The following PPP4R2 variants were observed in gnomAD, a reference collection of about 807,000 sequenced individuals.
The protein encoded by PPP4R2 is serine/threonine-protein phosphatase 4 regulatory subunit 2.
Under a neutral mutation model 47.2 loss-of-function variants are expected in PPP4R2, and 13 were observed. That is an observed-to-expected ratio of 0.28 (90% CI 0.18 to 0.44). PPP4R2 has a LOEUF of 0.44. Ranked by LOEUF, PPP4R2 falls within the 20% of genes least tolerant of loss-of-function variation. The pLI, the probability that PPP4R2 is intolerant of heterozygous loss-of-function variation, is 1.00. For synonymous variants in PPP4R2, 151 were observed against 163.3 expected (o/e 0.92, Z 0.57); for missense variants, 421 against 491.2 (o/e 0.86, Z 1.35).
chr3:73,058,948 A>C (rs1702786855), intron 3 of PPP4R2, 89 bp from the exon 4 acceptor site: 1 of 738,446 alleles, frequency 1.4e-6, no homozygotes, highest in African/African-American at 1.8e-5. Context: ...ATGGGTGACT[A>C]GATACAGCTT....
intron 2 of PPP4R2, among the ~76,000 whole-genome samples, chr3:73,008,516 TG>T (rs1701660094): frequency 6.6e-6 from 1 of 152,186 alleles, no homozygotes; most frequent in African/African-American, 2.4e-5. Flanking sequence ...GTTTCCTAAT[TG>T]CATGTGAGTT....
At chr3:73,010,286 C>T (rs943172117) in intron 2 of PPP4R2, among the ~76,000 whole-genome samples, 12 of 151,472 alleles carry the variant, frequency 7.9e-5, no homozygotes, top group African/African-American at 2.4e-5. Flanking sequence ...ACAGTGGTGC[C>T]ATCATGGCCC....
chr3:73,047,742 T>A lies in PPP4R2; in HGVS notation c.287+386T>A, dbSNP rs1249165627. 2.0e-5 allele frequency among the ~76,000 whole-genome samples: 3 copies of A among 152,368 alleles called. No homozygotes were observed. The East Asian group carries it at 5.8e-4, about 29-fold the overall frequency. On this transcript the variant is annotated intron_variant, in intron 3 of 8. Transcript: ENST00000356692. ...TTTTAGTGAGTTTTTGTTTAGACTT[T>A]TTTTGGAGTCATCATTTCTCTCCTA...
At chr3:73,019,901 T>G (rs537534643) in intron 2 of PPP4R2, among the ~76,000 whole-genome samples, 3 of 152,328 alleles carry the variant, frequency 2.0e-5, no homozygotes, top group African/African-American at 7.2e-5. Flanking sequence ...CAATTTTGTC[T>G]TATTTTCCAC....
intron 3 of PPP4R2, among the ~76,000 whole-genome samples, chr3:73,049,422 C>T (rs13072206): frequency 0.53 from 80,044 of 151,746 alleles, 21,469 homozygotes; most frequent in African/African-American, 0.62. Context: ...TGGGGTGAAC[C>T]CAGGAGGCAG....
intron 3 of PPP4R2, among the ~76,000 whole-genome samples, chr3:73,049,121 A>T (rs950178926): frequency 2.0e-5 from 3 of 152,242 alleles, no homozygotes; most frequent in Admixed American, 2.0e-4. Flanking sequence ...AAAGGCACTT[A>T]TCCAAGAAAT....
In PPP4R2 at chr3:73,068,346, G is replaced by A. The variant is rs986180803; in HGVS notation, c.*2624G>A. On this transcript the variant is annotated 3_prime_UTR_variant, in exon 9 of 9. Transcript: ENST00000356692. ...ATAACCCAACATGTAAAAAAAATTT[G>A]AAGATGGTGATGAGGAAAGTGAGAT... 2 of 151,988 alleles carry A rather than the reference G, an allele frequency of 1.3e-5. No homozygotes were observed. Among genetic ancestry groups the A allele is most frequent in the African/African-American group, 2.4e-5 (1 of 41,336 alleles). 9.4% of individuals were successfully genotyped at this position (151,988 alleles called of 1,614,324 possible).
At chr3:73,047,451 TC>T in intron 3 of PPP4R2, 95 bp downstream of exon 3, 1 of 647,630 alleles carries the variant, frequency 1.5e-6, no homozygotes, top group Non-Finnish European at 2.4e-6. Flanking sequence ...TGATTGATTA[TC>T]CATTAGAATA....
intron 2 of PPP4R2, among the ~76,000 whole-genome samples, chr3:73,042,837 T>C (rs1702406398): frequency 6.6e-6 from 1 of 152,118 alleles, no homozygotes; most frequent in African/African-American, 2.4e-5. Context: ...ACTGCTTGAT[T>C]TATTTGAAAG....
At chr3:73,048,677 G>C (rs1449310245) in intron 3 of PPP4R2, among the ~76,000 whole-genome samples, 10 of 152,248 alleles carry the variant, frequency 6.6e-5, no homozygotes. Context: ...ATAATGAATT[G>C]TGGTTTTTCT....
intron 2 of PPP4R2, among the ~76,000 whole-genome samples, chr3:73,042,409 G>A (rs1702398988): frequency 6.9e-6 from 1 of 144,258 alleles, no homozygotes; most frequent in Non-Finnish European, 1.5e-5. Flanking sequence ...GTGTCACCCA[G>A]GCTGGAGTGC....
At chr3:72,997,247 C>T in intron 1 of PPP4R2, 176 bp downstream of exon 1, 1 of 438,416 alleles carries the variant, frequency 2.3e-6, no homozygotes, top group African/African-American at 2.0e-5. Context: ...CAGCTCTCTC[C>T]CGCCCCGCTC....
intron 2 of PPP4R2, among the ~76,000 whole-genome samples, chr3:73,009,231 G>A (rs897623263): frequency 2.0e-5 from 3 of 152,204 alleles, no homozygotes; most frequent in African/African-American, 7.2e-5. Context: ...TGGTATTGTA[G>A]CAGTAGCGAC....
At chr3:73,021,169 T>C (rs567950698) in intron 2 of PPP4R2, among the ~76,000 whole-genome samples, 3 of 152,126 alleles carry the variant, frequency 2.0e-5, no homozygotes, top group African/African-American at 4.8e-5. Context: ...TGAACTCATA[T>C]AGCTCACTTA....
chr3:73,026,131 C>G (rs1465979098), intron 2 of PPP4R2, among the ~76,000 whole-genome samples: 2 of 152,158 alleles, frequency 1.3e-5, no homozygotes. Flanking sequence ...TTCTCCCTTG[C>G]TCAAGTTAAA....
At chr3:73,029,998 T>C (rs1032313285) in intron 2 of PPP4R2, among the ~76,000 whole-genome samples, 8 of 152,054 alleles carry the variant, frequency 5.3e-5, no homozygotes, top group African/African-American at 1.9e-4. Flanking sequence ...TGGAGTAGAT[T>C]TGAGAGATAA....
chr3:73,027,214 C>T (rs1014767614), intron 2 of PPP4R2, among the ~76,000 whole-genome samples: 3 of 152,182 alleles, frequency 2.0e-5, no homozygotes, highest in Non-Finnish European at 1.5e-5. Flanking sequence ...TGAACCTCCA[C>T]CTCCCAGGTT....
chr3:73,058,589 A>G (rs1229313550), intron 3 of PPP4R2, among the ~76,000 whole-genome samples: 2 of 152,100 alleles, frequency 1.3e-5, no homozygotes, highest in African/African-American at 4.8e-5. Context: ...ATAGAGCCAT[A>G]CAATGCATTA....
chr3:73,035,416 G>T (rs890689907), intron 2 of PPP4R2, among the ~76,000 whole-genome samples: 1 of 151,984 alleles, frequency 6.6e-6, no homozygotes. Context: ...GAAAGAAAAA[G>T]AAATGGCAGA....
Sources: gnomAD v4.1 joint callset for allele counts (sites outside exome capture counted in the v4.1 genomes callset) on GRCh38, gnomAD v4.1.1 for gene constraint, MANE v1.5 for transcripts, NCBI Gene and HGNC (gene_info 2026-07-23, HGNC 2026-07-21) for gene names.